The following LDAF1 variants were observed in gnomAD, a reference collection of about 807,000 sequenced individuals.
The protein encoded by LDAF1 is lipid droplet assembly factor 1, also known as PROMETHIN.
In LDAF1, 7 loss-of-function variants were observed where a neutral mutation model predicts 13.5. The ratio of observed to expected loss-of-function variants is 0.52; its 90% CI spans 0.29 to 0.97. The LOEUF (loss-of-function observed/expected upper bound fraction) is 0.97. Among genes scored for constraint, LDAF1 ranks in the 50% least tolerant of loss-of-function variants. The pLI is 0.07. For synonymous variants in LDAF1, 69 were observed against 77.1 expected (o/e 0.89, Z 0.55); for missense variants, 148 against 193.2 (o/e 0.77, Z 1.39).
At position 21,179,587 on chromosome 16, in the gene LDAF1, A is replaced by G; in HGVS notation, c.*31A>G. The G allele has an allele frequency of 6.3e-7, 1 of 1,591,564 alleles. No homozygotes were observed. Among genetic ancestry groups the G allele is most frequent in the Non-Finnish European group, 8.6e-7 (1 of 1,160,984 alleles). On this transcript the variant is annotated 3_prime_UTR_variant, in exon 5 of 5. Coordinates refer to ENST00000233047, the MANE Select transcript of LDAF1 (RefSeq NM_001301771.2). ...TGCTCAGAGGCCGGGCTTCTTTTCA[A>G]GTACTGCTGGATCATACTCACCCCT...
At position 21,159,197 on chromosome 16, in the gene LDAF1, C is replaced by A. The variant is rs1328504297; in HGVS notation, c.-99+451C>A. 3.2e-6 allele frequency: 3 copies of A among 931,472 alleles called. No homozygotes were observed. The African/African-American group carries it at 4.8e-5, about 15-fold the overall frequency. 57.7% of individuals were successfully genotyped at this position (931,472 alleles called of 1,614,324 possible). A position where few individuals can be genotyped will look rare whatever the true frequency, so the allele number is the denominator to read the frequency against. ...TCCACCGAGGTCCCCTTCCCCATCG[C>A]TGCAGAGAGATCTGCAAGTATCAAA... On this transcript the variant is annotated intron_variant, in intron 1 of 4. Transcript: ENST00000233047.
At position 21,167,006 on chromosome 16, in the gene LDAF1, G is replaced by C. The variant is rs149854713; in HGVS notation, c.97-3431G>C. On this transcript the variant is annotated intron_variant, in intron 2 of 4. Coordinates refer to ENST00000233047, the MANE Select transcript of LDAF1 (RefSeq NM_001301771.2). ...ATGGTGGGGTAGCAGGAGGCAGTGA[G>C]GTCAGCGGGCATTATGCCGTCCTGT... 7,508 of 1,198,440 alleles carry C rather than the reference G, an allele frequency of 6.3e-3. 40 individuals carry two copies. The highest frequency in any genetic ancestry group is 9.2e-3 in the Middle Eastern group (42 of 4,546). The allele number at this position is 1,198,440 out of a possible 1,614,324, so 74.2% of individuals were successfully genotyped here.
At position 21,163,412 on chromosome 16, in the gene LDAF1, G is replaced by A. The variant is rs138627032; in HGVS notation, c.96+2134G>A. Among the ~76,000 whole-genome samples, 28 of 152,278 alleles carry A rather than the reference G, an allele frequency of 1.8e-4. No homozygotes were observed. The East Asian group carries it at 4.6e-3, about 25-fold the overall frequency. ...TGTAATCCTAGTACTTTGGGAGGCC[G>A]AGGCGGGTGGATCCCTTGAGCCAGA... On this transcript the variant is annotated intron_variant, in intron 2 of 4. Transcript: ENST00000233047.
intron 2 of LDAF1, 90 bp downstream of exon 2, chr16:21,161,368 G>A: frequency 6.9e-7 from 1 of 1,452,200 alleles, no homozygotes; most frequent in Non-Finnish European, 9.2e-7. Context: ...CCAGTAGAAG[G>A]AATTTGGAGG....
chr16:21,176,617 T>C (rs1025622544), intron 4 of LDAF1, among the ~76,000 whole-genome samples: 7 of 152,112 alleles, frequency 4.6e-5, no homozygotes, highest in Non-Finnish European at 1.0e-4. Context: ...CACTCCAGCC[T>C]GGGCAACAGA....
chr16:21,162,728 G>T (rs1041271540), intron 2 of LDAF1, among the ~76,000 whole-genome samples: 10 of 152,140 alleles, frequency 6.6e-5, no homozygotes, highest in Admixed American at 3.3e-4. Context: ...TTTTAAATTG[G>T]ACAAGCAGCT....
chr16:21,159,623 G>A (rs781739755), intron 1 of LDAF1, among the ~76,000 whole-genome samples: 1 of 152,236 alleles, frequency 6.6e-6, no homozygotes, highest in Non-Finnish European at 1.5e-5. Context: ...CTCCTTGGCC[G>A]CGCCGGGTTC....
intron 2 of LDAF1, among the ~76,000 whole-genome samples, chr16:21,168,157 A>G (rs79127042): frequency 0.2 from 29,840 of 151,904 alleles, 3,011 homozygotes; most frequent in South Asian, 0.28. Context: ...TGGGACTACC[A>G]GCACGCGCCA....
intron 1 of LDAF1, chr16:21,159,279 CATT>C (rs1567894022): frequency 1.3e-6 from 2 of 1,527,432 alleles, no homozygotes; most frequent in South Asian, 2.2e-5. Flanking sequence ...TCTGAGTTCC[CATT>C]ATTCAGTCTC....
intron 2 of LDAF1, chr16:21,167,038 G>A: frequency 1.2e-6 from 1 of 857,226 alleles, no homozygotes; most frequent in Non-Finnish European, 1.8e-6. Flanking sequence ...CTGTGGCCTG[G>A]CAGGGAGTGA....
intron 2 of LDAF1, chr16:21,166,891 C>T (rs1471694705): frequency 6.5e-7 from 1 of 1,535,684 alleles, no homozygotes; most frequent in South Asian, 1.2e-5. Flanking sequence ...AGTGTCCAGG[C>T]TGGGCAGTGC....
In LDAF1 at chr16:21,175,962, C is replaced by G. The variant is rs1487316348; in HGVS notation, c.404+1814C>G. On this transcript the variant is annotated intron_variant, in intron 4 of 4. Transcript: ENST00000233047. ...GTCTTGCTGTGTTGCCCAGGCCATTCTCAAACTCCTGGCTTCAAGCAATCC... is the reference window on the plus strand; with the variant it reads ...GTCTTGCTGTGTTGCCCAGGCCATTGTCAAACTCCTGGCTTCAAGCAATCC... Among the ~76,000 whole-genome samples, 8 of 152,114 alleles carry G rather than the reference C, an allele frequency of 5.3e-5. No homozygotes were observed. In the East Asian group the frequency reaches 1.5e-3, roughly 29 times the overall value.
chr16:21,169,285 G>A (rs1362519014), intron 2 of LDAF1: 2 of 367,990 alleles, frequency 5.4e-6, no homozygotes, highest in African/African-American at 4.4e-5. Flanking sequence ...ATTCATCAGG[G>A]CCTGAGATTC....
Position 21,174,116 on chromosome 16 carries a change from C to T in LDAF1, c.372C>T (p.Val124=). 1 of 1,613,146 alleles carries T rather than the reference C, an allele frequency of 6.2e-7. No individual in the cohort carries two copies. Residue 124 remains valine (V), a synonymous_variant, in exon 4 of 5, where the codon GTC becomes GTT. Coordinates refer to ENST00000233047, the MANE Select transcript of LDAF1 (RefSeq NM_001301771.2). ...SGMMIASYVV[V]SSLISCWFSP... is the part of the protein sequence containing the mutation. The stretch of plus-strand genomic sequence containing the variant: ...TGATGATAGCATCTTATGTAGTGGT[C>T]TCCAGCCTCATCAGCTGCTGGTTTT...
intron 2 of LDAF1, chr16:21,169,117 G>T: frequency 5.3e-6 from 5 of 941,716 alleles, no homozygotes; most frequent in Non-Finnish European, 6.3e-6. Context: ...TAATAATAAT[G>T]CTTTTAATGC....
intron 2 of LDAF1, among the ~76,000 whole-genome samples, chr16:21,163,162 A>T (rs2092992399): frequency 6.6e-6 from 1 of 152,188 alleles, no homozygotes; most frequent in Admixed American, 6.5e-5. Context: ...TCAGCACTAC[A>T]CTTGGGGACC....
chr16:21,179,977 A>G lies in LDAF1; in HGVS notation c.*421A>G, dbSNP rs2093168876. The G allele has an allele frequency of 1.3e-5, 2 of 157,170 alleles. No individual in the cohort carries two copies. Among genetic ancestry groups the G allele is most frequent in the African/African-American group, 4.8e-5 (2 of 41,512 alleles). 9.7% of individuals were successfully genotyped at this position (157,170 alleles called of 1,614,324 possible). On this transcript the variant is annotated 3_prime_UTR_variant, in exon 5 of 5. Transcript: ENST00000233047. The stretch of plus-strand genomic sequence containing the variant: ...ACTCATGTGAAACAAAATGAAAAAA[A>G]AAATCCAAAACAGAACAAGCCCTTC...
intron 2 of LDAF1, among the ~76,000 whole-genome samples, chr16:21,162,475 A>G (rs1443048806): frequency 1.3e-5 from 2 of 152,214 alleles, no homozygotes; most frequent in African/African-American, 2.4e-5. Context: ...GGGAAAAGAA[A>G]ACAGCTTTCA....
chr16:21,166,350 C>T lies in LDAF1; in HGVS notation c.97-4087C>T, dbSNP rs371248470. 2.4e-4 allele frequency among the ~76,000 whole-genome samples: 36 copies of T among 152,164 alleles called. 1 individual carries two copies. In the South Asian group the frequency reaches 3.7e-3, roughly 16 times the overall value. ...TAATCTCTATTCAGATTTTATAAAA[C>T]TTACAATTCAGCGAAATAGATTCAC... is the stretch of plus-strand genomic sequence containing the variant. On this transcript the variant is annotated intron_variant, in intron 2 of 4. Coordinates refer to ENST00000233047, the MANE Select transcript of LDAF1 (RefSeq NM_001301771.2).
Sources: gnomAD v4.1 joint callset for allele counts (sites outside exome capture counted in the v4.1 genomes callset) on GRCh38, gnomAD v4.1.1 for gene constraint, MANE v1.5 for transcripts, NCBI Gene and HGNC (gene_info 2026-07-23, HGNC 2026-07-21) for gene names.